The following DOCK10 variants were observed in gnomAD, a reference collection of about 807,000 sequenced individuals.
The protein encoded by DOCK10 is dedicator of cytokinesis protein 10.
In DOCK10, 145 loss-of-function variants were observed where a neutral mutation model predicts 280.1. The ratio of observed to expected loss-of-function variants is 0.52; its 90% CI spans 0.45 to 0.59. DOCK10 has a LOEUF of 0.59. DOCK10 is among the 20% of genes least tolerant of loss of function. The pLI, the probability that DOCK10 is intolerant of heterozygous loss-of-function variation, is 0.00. For synonymous variants in DOCK10, 915 were observed against 942.2 expected (o/e 0.97, Z 0.53); for missense variants, 2,368 against 2,651.7 (o/e 0.89, Z 2.35).
rs983156436 is a variant in DOCK10 at position 225,042,199 on chromosome 2, C to T, written c.123+53G>A. ...GCTTTTGGGGAAGCTGGGCTCCGTT[C>T]CCCCCGGGCGCCTGGGGCGCGCGGG... is the stretch of plus-strand genomic sequence containing the variant. On this transcript the variant is annotated intron_variant, in intron 1 of 55. Transcript: ENST00000258390. The surrounding 1 kb of genome is among the most constrained non-coding windows in gnomAD (Gnocchi z 5.1). 4.1e-6 allele frequency: 5 copies of T among 1,226,148 alleles called. No individual in the cohort carries two copies. The African/African-American group carries it at 6.3e-5, about 15-fold the overall frequency. The allele number at this position is 1,226,148 out of a possible 1,614,324, so 76.0% of individuals were successfully genotyped here. A position where few individuals can be genotyped will look rare whatever the true frequency, so the allele number is the denominator to read the frequency against.
intron 28 of DOCK10, among the ~76,000 whole-genome samples, chr2:224,820,308 G>A (rs1027445924): frequency 2.6e-5 from 4 of 152,224 alleles, no homozygotes; most frequent in African/African-American, 9.6e-5. Flanking sequence ...TCCAAAAGAC[G>A]GATGGTCATG....
intron 1 of DOCK10, among the ~76,000 whole-genome samples, chr2:225,005,165 G>A (rs542264323): frequency 7.2e-5 from 11 of 152,290 alleles, no homozygotes; most frequent in African/African-American, 2.4e-4. Context: ...CATCAGAGTA[G>A]TACAGCTGCC....
rs1388822422 is a variant in DOCK10, at chr2:224,807,716, C to A, written c.3654G>T (p.Arg1218Ser). Reference protein sequence around the residue: ...LYGMLLDNMPRIYLKDLYPFT... With the variant: ...LYGMLLDNMPSIYLKDLYPFT... The stretch of plus-strand genomic sequence containing the variant: ...AAGGATACAGGTCCTTCAGATAAAT[C>A]CTTGGCATATTGTCCAGGAGCATGC... The change falls in exon 33 of 56, where the codon AGG becomes AGT. Residue 1218 changes from arginine to serine, a missense_variant. This residue lies in a region of DOCK10 where 1,159 missense variants were observed against 1,400.8 expected (regional missense o/e 0.83). Transcript: ENST00000258390. 7 of 1,573,270 alleles carry A rather than the reference C, an allele frequency of 4.4e-6. No individual in the cohort carries two copies. Among genetic ancestry groups the A allele is most frequent in the Non-Finnish European group, 6.0e-6 (7 of 1,157,716 alleles).
At chr2:224,932,659 A>C (rs1702458910) in intron 1 of DOCK10, among the ~76,000 whole-genome samples, 1 of 152,136 alleles carries the variant, frequency 6.6e-6, no homozygotes, top group South Asian at 2.1e-4. Flanking sequence ...AAGTGAAAAA[A>C]ATTATTATTT....
At chr2:224,788,972 C>T (rs1023659722) in intron 48 of DOCK10, 92 bp downstream of exon 48, 2 of 740,102 alleles carry the variant, frequency 2.7e-6, no homozygotes, top group Admixed American at 4.9e-5. Context: ...TATAAAATAG[C>T]TGTAAGCTTG....
At chr2:224,873,329 C>A (rs996553006) in intron 11 of DOCK10, among the ~76,000 whole-genome samples, 3 of 152,116 alleles carry the variant, frequency 2.0e-5, no homozygotes, top group African/African-American at 7.2e-5. Context: ...GTAATCCCAG[C>A]ACTTTGAGAG....
At chr2:224,905,267 G>C (rs1312667951) in intron 3 of DOCK10, among the ~76,000 whole-genome samples, 2 of 124,954 alleles carry the variant, frequency 1.6e-5, no homozygotes, top group Non-Finnish European at 3.1e-5. Context: ...TTGAGACGGA[G>C]TCTCGCTCTA....
At chr2:224,845,747 T>A in intron 19 of DOCK10, 105 bp from the exon 20 acceptor site, 1 of 1,089,258 alleles carries the variant, frequency 9.2e-7, no homozygotes, top group Non-Finnish European at 1.3e-6. Context: ...TTTTTGAGAC[T>A]GCGTCTTACT....
Position 225,019,428 on chromosome 2 carries a change from A to G in DOCK10, c.123+22824T>C, listed in dbSNP as rs116544450. Among the ~76,000 whole-genome samples the G allele has an allele frequency of 7.0e-3, 1,038 of 148,578 alleles. 17 individuals carry two copies. The highest frequency in any genetic ancestry group is 0.025 in the African/African-American group (1,006 of 40,320). On this transcript the variant is annotated intron_variant, in intron 1 of 55. Coordinates refer to ENST00000258390, the MANE Select transcript of DOCK10 (RefSeq NM_014689.3). Reference sequence around the variant, plus strand: ...TGAGGATTGGCAACTTCAAAGCTCAAGAGAGTGTGGTTTAATCTTTTTTTT... The same window carrying G: ...TGAGGATTGGCAACTTCAAAGCTCAGGAGAGTGTGGTTTAATCTTTTTTTT...
intron 1 of DOCK10, among the ~76,000 whole-genome samples, chr2:225,022,649 T>G (rs1227392150): frequency 6.6e-6 from 1 of 152,218 alleles, no homozygotes; most frequent in Non-Finnish European, 1.5e-5. Context: ...TCTGATACTG[T>G]GAAATTACTA....
In DOCK10 at chr2:224,796,958, A is replaced by C. The variant is rs1418498080; in HGVS notation, c.4827+6T>G. On this transcript the variant is annotated splice_donor_region_variant and intron_variant, in intron 43 of 55. Coordinates refer to ENST00000258390, the MANE Select transcript of DOCK10 (RefSeq NM_014689.3). ...AACAGCATTAATGAAAATTGGCAGC[A>C]CTTACTTGTAAGTGGGACCGGACAA... 6.2e-7 allele frequency: 1 copy of C among 1,611,324 alleles called. No individual in the cohort carries two copies. Among genetic ancestry groups the C allele is most frequent in the Non-Finnish European group, 8.5e-7 (1 of 1,178,510 alleles).
chr2:224,905,231 A>G (rs922602719), intron 3 of DOCK10, among the ~76,000 whole-genome samples: 2 of 147,420 alleles, frequency 1.4e-5, no homozygotes, highest in Non-Finnish European at 3.0e-5. Flanking sequence ...GGCCTATGGA[A>G]CTATTTTTTT....
rs78586284 is a variant in DOCK10 at position 225,007,796 on chromosome 2, C to T, written c.123+34456G>A. Among the ~76,000 whole-genome samples the T allele has an allele frequency of 5.9e-5, 9 of 151,986 alleles. No homozygotes were observed. In the South Asian group the frequency reaches 6.2e-4, roughly 11 times the overall value. ...ATTAAAAAACATCCACAAAAAAGTCCGGAAGAATGATGGTTAGCTTTGGAA... is the reference window on the plus strand; with the variant it reads ...ATTAAAAAACATCCACAAAAAAGTCTGGAAGAATGATGGTTAGCTTTGGAA... On this transcript the variant is annotated intron_variant, in intron 1 of 55. Coordinates refer to ENST00000258390, the MANE Select transcript of DOCK10 (RefSeq NM_014689.3).
At chr2:224,771,447 TG>T (rs2124956497) in intron 53 of DOCK10, among the ~76,000 whole-genome samples, 1 of 152,368 alleles carries the variant, frequency 6.6e-6, no homozygotes, top group South Asian at 2.1e-4. Flanking sequence ...AGTGTTTCAC[TG>T]GGTTCCATTT....
At chr2:224,879,321 G>C (rs1283863220) in intron 7 of DOCK10, among the ~76,000 whole-genome samples, 1 of 152,150 alleles carries the variant, frequency 6.6e-6, no homozygotes, top group African/African-American at 2.4e-5. Flanking sequence ...ATGTTCTGAC[G>C]AAGAAGGGCT....
chr2:225,010,489 A>G (rs1447450946), intron 1 of DOCK10: 1 of 153,928 alleles, frequency 6.5e-6, no homozygotes, highest in African/African-American at 2.4e-5. Flanking sequence ...CCTTAGAGGC[A>G]TTTGCTTTGT....
At chr2:224,855,140 A>G in intron 15 of DOCK10, 98 bp from the exon 16 acceptor site, 1 of 746,004 alleles carries the variant, frequency 1.3e-6, no homozygotes, top group Non-Finnish European at 2.0e-6. Context: ...GCAGTCATCT[A>G]TAATTCTGAG....
Position 224,786,902 on chromosome 2 carries a change from T to C in DOCK10, c.5655+120A>G. 1 of 741,940 alleles carries C rather than the reference T, an allele frequency of 1.3e-6. No individual in the cohort carries two copies. Among genetic ancestry groups the C allele is most frequent in the Non-Finnish European group, 2.4e-6 (1 of 420,170 alleles). 46.0% of individuals were successfully genotyped at this position (741,940 alleles called of 1,614,324 possible). A position where few individuals can be genotyped will look rare whatever the true frequency, so the allele number is the denominator to read the frequency against. On this transcript the variant is annotated intron_variant, in intron 50 of 55. Coordinates refer to ENST00000258390, the MANE Select transcript of DOCK10 (RefSeq NM_014689.3). This position sits in a 1 kb window ranked among gnomAD's most constrained non-coding sequence, Gnocchi z 4.7. ...TCACATCCAGAGAAACACTCAAGTA[T>C]AGTCAGACACACCCACACCTCTCCA... is the stretch of plus-strand genomic sequence containing the variant.
chr2:225,041,014 G>A (rs1364276244), intron 1 of DOCK10, among the ~76,000 whole-genome samples: 1 of 152,040 alleles, frequency 6.6e-6, no homozygotes, highest in Non-Finnish European at 1.5e-5. Context: ...AGGCACCCTG[G>A]CCACCAATTC....
Sources: gnomAD v4.1 joint callset for allele counts (sites outside exome capture counted in the v4.1 genomes callset) on GRCh38, gnomAD v4.1.1 for gene constraint, gnomAD v4.1.1 regional missense constraint, Gnocchi (gnomAD v3.1) non-coding constraint, MANE v1.5 for transcripts, NCBI Gene and HGNC (gene_info 2026-07-23, HGNC 2026-07-21) for gene names.